Variants in NAALADL2 observed in about 807,000 individuals in gnomAD.
NAALADL2 encodes the protein inactive N-acetylated-alpha-linked acidic dipeptidase-like protein 2.
Under a neutral mutation model 87.2 loss-of-function variants are expected in NAALADL2, and 76 were observed. The observed-to-expected ratio is 0.87, with a 90% CI of 0.72 to 1.05. NAALADL2 has a LOEUF of 1.05. NAALADL2 is among the 50% of genes least tolerant of loss of function. NAALADL2 has a pLI of 0.00. For synonymous variants in NAALADL2, 354 were observed against 331.0 expected (o/e 1.07, Z -0.75); for missense variants, 1,089 against 945.8 (o/e 1.15, Z -1.99).
chr3:175,160,715 C>A (rs568615034), intron 2 of NAALADL2, among the ~76,000 whole-genome samples: 2 of 151,932 alleles, frequency 1.3e-5, no homozygotes, highest in African/African-American at 2.4e-5. Flanking sequence ...AATGATTAAT[C>A]CAAAATATTT....
intron 2 of NAALADL2, among the ~76,000 whole-genome samples, chr3:174,560,828 G>A (rs893542688): frequency 6.6e-6 from 1 of 152,108 alleles, no homozygotes; most frequent in East Asian, 1.9e-4. Context: ...TTCAGGTGCT[G>A]TTCTGGTCTA....
intron 4 of NAALADL2, among the ~76,000 whole-genome samples, chr3:175,312,414 C>T (rs1405622069): frequency 2.0e-5 from 3 of 151,238 alleles, no homozygotes; most frequent in Admixed American, 6.6e-5. Flanking sequence ...GTACATTAAT[C>T]CCCATGACAG....
chr3:174,875,557 T>C (rs2109653838), intron 1 of NAALADL2, among the ~76,000 whole-genome samples: 1 of 152,288 alleles, frequency 6.6e-6, no homozygotes. Context: ...ATTTCTAAAG[T>C]TCTTTCTATA....
At position 175,599,365 on chromosome 3, in the gene NAALADL2, TATAAA is replaced by T. The variant is rs539477529; in HGVS notation, c.1800+23181_1800+23185del. On this transcript the variant is annotated intron_variant, in intron 10 of 13. Coordinates refer to ENST00000454872, the MANE Select transcript of NAALADL2 (RefSeq NM_207015.3). ...TAGCTAACATTTATAGAGTAATTAC[TATAAA>T]ATGAGTATCATGTTAAACATCTTAT... Among the ~76,000 whole-genome samples, 459 of 152,256 alleles carry T rather than the reference TATAAA, an allele frequency of 3.0e-3. 1 individual carries two copies. Among genetic ancestry groups the T allele is most frequent in the African/African-American group, 0.01 (435 of 41,582 alleles).
chr3:174,829,072 G>A (rs557480634), intron 3 of NAALADL2, among the ~76,000 whole-genome samples: 7 of 151,958 alleles, frequency 4.6e-5, no homozygotes, highest in African/African-American at 1.2e-4. Flanking sequence ...CATACAAAGA[G>A]GTTCAGGTAT....
intron 2 of NAALADL2, among the ~76,000 whole-genome samples, chr3:174,599,576 T>G (rs546463402): frequency 6.6e-6 from 1 of 152,304 alleles, no homozygotes; most frequent in African/African-American, 2.4e-5. Flanking sequence ...CTTCAATGTC[T>G]TAAGCAAAGC....
At chr3:174,942,305 G>A (rs1284964367) in intron 1 of NAALADL2, among the ~76,000 whole-genome samples, 2 of 152,090 alleles carry the variant, frequency 1.3e-5, no homozygotes, top group Non-Finnish European at 1.5e-5. Context: ...TAGTTTGGCT[G>A]GATATGAAAT....
chr3:174,913,148 G>A (rs537119864), intron 1 of NAALADL2, among the ~76,000 whole-genome samples: 2 of 152,156 alleles, frequency 1.3e-5, no homozygotes. Context: ...TGACTTATTG[G>A]TATGAAAAAA....
In NAALADL2 at chr3:174,783,473, C is replaced by T. The variant is rs1027100279; in HGVS notation, c.-9+45727C>T. ...AGTGAAATTCTAGCCACGTTTGACC[C>T]TTTGCAGAGCTTCATTACTAGAATT... On this transcript the variant is annotated intron_variant, in intron 3 of 3. Coordinates refer to the NAALADL2 transcript ENST00000434257. Among the ~76,000 whole-genome samples the T allele has an allele frequency of 7.9e-5, 12 of 152,240 alleles. 1 individual carries two copies. The highest frequency in any genetic ancestry group is 6.8e-3 in the Middle Eastern group (2 of 294).
intron 1 of NAALADL2, among the ~76,000 whole-genome samples, chr3:174,454,052 G>T (rs1056430381): frequency 2.0e-5 from 3 of 152,108 alleles, no homozygotes; most frequent in Non-Finnish European, 4.4e-5. Context: ...TAAAGGGATG[G>T]AGAGAAATCT....
rs58596469 is a variant in NAALADL2 at position 175,221,758 on chromosome 3, GTTAT to G, written c.546-12146_546-12143del. ...ATTTTTGTAGAGTAGATATTCAGTG[GTTAT>G]TTATTTATTTATTTATTTATTTATT... is the stretch of plus-strand genomic sequence containing the variant. On this transcript the variant is annotated intron_variant, in intron 2 of 13. Coordinates refer to ENST00000454872, the MANE Select transcript of NAALADL2 (RefSeq NM_207015.3). Among the ~76,000 whole-genome samples, 1,317 of 149,078 alleles carry G rather than the reference GTTAT, an allele frequency of 8.8e-3. 19 individuals carry two copies. The highest frequency in any genetic ancestry group is 0.031 in the African/African-American group (1,255 of 40,234).
chr3:175,071,663 T>C (rs1580296152), intron 1 of NAALADL2, among the ~76,000 whole-genome samples: 1 of 152,028 alleles, frequency 6.6e-6, no homozygotes, highest in Non-Finnish European at 1.5e-5. Context: ...TGGGGAATGT[T>C]ATTGGGCCAA....
At chr3:175,773,044 G>A (rs1749722834) in intron 13 of NAALADL2, 1 of 152,118 alleles carries the variant, frequency 6.6e-6, no homozygotes, top group Non-Finnish European at 1.5e-5. Flanking sequence ...TGGTTAACAG[G>A]TAGATGGTAC....
At chr3:175,672,646 A>T (rs1734156437) in intron 11 of NAALADL2, among the ~76,000 whole-genome samples, 1 of 152,182 alleles carries the variant, frequency 6.6e-6, no homozygotes, top group Admixed American at 6.5e-5. Context: ...TTGAACTGAA[A>T]CTAAAAGAGT....
intron 6 of NAALADL2, among the ~76,000 whole-genome samples, chr3:175,461,433 C>T (rs560948076): frequency 4.1e-4 from 62 of 152,242 alleles, no homozygotes; most frequent in Middle Eastern, 6.8e-3. Flanking sequence ...TCCAAGTCCC[C>T]ACTTGACCCA....
intron 1 of NAALADL2, among the ~76,000 whole-genome samples, chr3:175,035,088 A>G (rs909595238): frequency 6.6e-6 from 1 of 152,170 alleles, no homozygotes; most frequent in Admixed American, 6.6e-5. Flanking sequence ...AGAGATGTAT[A>G]ATTTGTCCCA....
At position 175,364,014 on chromosome 3, in the gene NAALADL2, G is replaced by A. The variant is rs1406816445; in HGVS notation, c.1090+39689G>A. 2.0e-5 allele frequency among the ~76,000 whole-genome samples: 3 copies of A among 148,160 alleles called. 1 individual carries two copies. Among genetic ancestry groups the A allele is most frequent in the Non-Finnish European group, 4.5e-5 (3 of 66,516 alleles). On this transcript the variant is annotated intron_variant, in intron 5 of 13. Coordinates refer to ENST00000454872, the MANE Select transcript of NAALADL2 (RefSeq NM_207015.3). ...TTTCATCATCATTTCATTAGGATTT[G>A]AAGCAGTTATAGTTGTGATTTCTGG...
At chr3:175,541,598 G>A (rs771011401) in intron 9 of NAALADL2, among the ~76,000 whole-genome samples, 14 of 152,156 alleles carry the variant, frequency 9.2e-5, no homozygotes, top group Non-Finnish European at 1.6e-4. Flanking sequence ...TTGAAAAATT[G>A]TAAGTTGAAC....
Position 174,576,568 on chromosome 3 carries a change from A to G in NAALADL2, c.-115+25931A>G, listed in dbSNP as rs528468562. 2.0e-5 allele frequency among the ~76,000 whole-genome samples: 3 copies of G among 152,318 alleles called. No homozygotes were observed. In the South Asian group the frequency reaches 6.2e-4, roughly 32 times the overall value. On this transcript the variant is annotated intron_variant, in intron 2 of 3. Transcript: ENST00000434257. Reference sequence around the variant, plus strand: ...AAGTAGTTTTGCATTATATGTATTTACTGCTGAATGGATGACAGTGATGTT... The same window carrying G: ...AAGTAGTTTTGCATTATATGTATTTGCTGCTGAATGGATGACAGTGATGTT...
Sources: allele counts gnomAD v4.1 joint callset (sites outside exome capture counted in the v4.1 genomes callset), GRCh38; gene constraint gnomAD v4.1.1; transcripts MANE v1.5; gene names NCBI Gene and HGNC (gene_info 2026-07-23, HGNC 2026-07-21).